The following GINM1 variants were observed in gnomAD, a reference collection of about 807,000 sequenced individuals.
GINM1 encodes glycosylated integral membrane protein 1, also known as glycoprotein integral membrane protein 1.
In GINM1, 29 loss-of-function variants were observed where a neutral mutation model predicts 37.8. That is an observed-to-expected ratio of 0.77 (90% CI 0.57 to 1.05). GINM1 has a LOEUF of 1.05. Ranked by LOEUF, GINM1 falls within the 50% of genes least tolerant of loss-of-function variation. GINM1 has a pLI of 0.00. For missense variants in GINM1, 377 were observed against 397.9 expected, an observed-to-expected ratio of 0.95 and a Z score of 0.45; for synonymous variants, 143 against 146.2, an observed-to-expected ratio of 0.98 and a Z score of 0.16.
Position 149,566,437 on chromosome 6 carries a change from C to A in GINM1, c.23C>A (p.Ser8Ter). 6.4e-7 allele frequency: 1 copy of A among 1,572,444 alleles called. No homozygotes were observed. Among genetic ancestry groups the A allele is most frequent in the Non-Finnish European group, 8.5e-7 (1 of 1,170,024 alleles). ...AAGATGGAGGGCGCTCCACCGGGGT[C>A]GCTCGCCCTCCGGCTCCTGCTGTTC... MEGAPPGSLALRLLLFVA... is the reference protein window; with the variant it reads MEGAPPG Residue 8 changes from serine (S) to a stop codon, truncating the protein, a stop_gained, in exon 1 of 8, where the codon TCG becomes TAG. Transcript: ENST00000367419. LOFTEE classifies it high-confidence loss of function. This position sits in a 1 kb window ranked among gnomAD's most constrained non-coding sequence, Gnocchi z 4.4.
At chr6:149,583,471 A>G (rs1347225135) in intron 7 of GINM1, among the ~76,000 whole-genome samples, 1 of 151,960 alleles carries the variant, frequency 6.6e-6, no homozygotes, top group Non-Finnish European at 1.5e-5. Flanking sequence ...TCAAAAAATA[A>G]AAATAAAAAC....
intron 1 of GINM1, among the ~76,000 whole-genome samples, chr6:149,569,548 A>AG (rs1214752332): frequency 2.2e-5 from 3 of 136,150 alleles, no homozygotes; most frequent in African/African-American, 8.3e-5. Flanking sequence ...CATGTTGGCT[A>AG]GCTGGTCTCA....
In GINM1 at chr6:149,590,772, T is replaced by TATC. The variant is rs1371752361; in HGVS notation, c.929_931dup (p.Ile310dup). ...AAGTGGACGTCATACCTGTGACAGC[T>TATC]ATCAACTTATATCCAGATGGTCCAG... On this transcript the variant is annotated inframe_insertion, in exon 8 of 8. Coordinates refer to ENST00000367419, the MANE Select transcript of GINM1 (RefSeq NM_138785.5). 6.2e-7 allele frequency: 1 copy of TATC among 1,604,664 alleles called. No individual in the cohort carries two copies. The highest frequency in any genetic ancestry group is 8.5e-7 in the Non-Finnish European group (1 of 1,171,908).
At chr6:149,583,721 A>G (rs1442818528) in intron 7 of GINM1, among the ~76,000 whole-genome samples, 2 of 152,116 alleles carry the variant, frequency 1.3e-5, no homozygotes, top group Admixed American at 1.3e-4. Context: ...AATAAGTCCA[A>G]AATCTATTAT....
At chr6:149,586,710 T>C (rs1439968548) in intron 7 of GINM1, among the ~76,000 whole-genome samples, 2 of 152,146 alleles carry the variant, frequency 1.3e-5, no homozygotes, top group Non-Finnish European at 2.9e-5. Flanking sequence ...TCACTACATA[T>C]ATTCTTTTTT....
At chr6:149,582,751 C>A in intron 7 of GINM1, 148 bp downstream of exon 7, 1 of 569,970 alleles carries the variant, frequency 1.8e-6, no homozygotes, top group Admixed American at 3.7e-5. Flanking sequence ...TCTAGCTCAT[C>A]TTCCAATGTT....
At chr6:149,583,626 TC>T (rs1778031943) in intron 7 of GINM1, among the ~76,000 whole-genome samples, 1 of 138,628 alleles carries the variant, frequency 7.2e-6, no homozygotes, top group Non-Finnish European at 1.5e-5. Context: ...AAACTCCCTC[TC>T]GAAAAAAAAA....
rs1349519438 is a variant in GINM1 at position 149,590,850 on chromosome 6, A to G, written c.*12A>G. On this transcript the variant is annotated 3_prime_UTR_variant, in exon 8 of 8. Coordinates refer to ENST00000367419, the MANE Select transcript of GINM1 (RefSeq NM_138785.5). ...AAACATGTATTTAAAACGCCATCTCATATCATGGACTCCGAAGTAGCCTGT... is the reference window on the plus strand; with the variant it reads ...AAACATGTATTTAAAACGCCATCTCGTATCATGGACTCCGAAGTAGCCTGT... 11 of 1,284,492 alleles carry G rather than the reference A, an allele frequency of 8.6e-6. No individual in the cohort carries two copies. Among genetic ancestry groups the G allele is most frequent in the African/African-American group, 2.9e-5 (2 of 68,126 alleles). 79.6% of individuals were successfully genotyped at this position (1,284,492 alleles called of 1,614,324 possible). A position where few individuals can be genotyped will look rare whatever the true frequency, so the allele number is the denominator to read the frequency against.
chr6:149,577,022 G>A (rs968590845), intron 3 of GINM1, among the ~76,000 whole-genome samples: 2 of 152,188 alleles, frequency 1.3e-5, no homozygotes, highest in Admixed American at 6.5e-5. Flanking sequence ...CAGAGCAGGA[G>A]CAAGAGAGAG....
chr6:149,567,397 T>A (rs1433993915), intron 1 of GINM1, among the ~76,000 whole-genome samples: 1 of 152,180 alleles, frequency 6.6e-6, no homozygotes, highest in Non-Finnish European at 1.5e-5. Context: ...TAGTCAAGAC[T>A]TGAATATGAA....
chr6:149,577,481 T>TAA (rs1777931685), intron 3 of GINM1: 1 of 152,968 alleles, frequency 6.5e-6, no homozygotes, highest in Non-Finnish European at 1.5e-5. Context: ...ACCGGGAACT[T>TAA]CACAGAAGTG....
chr6:149,574,836 C>A (rs1173809889), intron 3 of GINM1, among the ~76,000 whole-genome samples: 1 of 151,996 alleles, frequency 6.6e-6, no homozygotes, highest in Non-Finnish European at 1.5e-5. Context: ...CCACTGTAGT[C>A]CATCCTGGGT....
intron 3 of GINM1, among the ~76,000 whole-genome samples, chr6:149,577,181 A>C (rs997245080): frequency 5.3e-5 from 8 of 152,182 alleles, no homozygotes; most frequent in African/African-American, 1.7e-4. Context: ...TCAGGTACCA[A>C]ATTTGCAGGC....
In GINM1 at chr6:149,583,575, G is replaced by T. The variant is rs143651905; in HGVS notation, c.881+972G>T. Among the ~76,000 whole-genome samples, 313 of 151,332 alleles carry T rather than the reference G, an allele frequency of 2.1e-3. 2 individuals carry two copies. In the East Asian group the frequency reaches 0.022, roughly 10 times the overall value. ...ACCCGGAAGGCGGAGGTTGTGGTGAGCCGAGATCGCGCCATTGCACTCCAG... is the reference window on the plus strand; with the variant it reads ...ACCCGGAAGGCGGAGGTTGTGGTGATCCGAGATCGCGCCATTGCACTCCAG... On this transcript the variant is annotated intron_variant, in intron 7 of 7. Transcript: ENST00000367419.
At chr6:149,568,629 A>T (rs142444205) in intron 1 of GINM1, among the ~76,000 whole-genome samples, 2 of 152,372 alleles carry the variant, frequency 1.3e-5, no homozygotes, top group East Asian at 3.9e-4. Flanking sequence ...GCAGAACCAG[A>T]CTACCCTTAA....
intron 7 of GINM1, among the ~76,000 whole-genome samples, chr6:149,583,449 T>A (rs1349300048): frequency 1.3e-5 from 2 of 149,042 alleles, no homozygotes; most frequent in Non-Finnish European, 1.5e-5. Context: ...GGCGACAGAG[T>A]GAGACTTCAT....
intron 1 of GINM1, among the ~76,000 whole-genome samples, chr6:149,570,139 TATATATATA>T (rs1777790173): frequency 3.6e-4 from 1 of 2,792 alleles, no homozygotes; most frequent in Admixed American, 7.0e-3. Flanking sequence ...GTAGGTTTTA[TATATATATA>T]TATATATATA....
chr6:149,582,051 G>T (rs1413610342), intron 6 of GINM1: 3 of 472,924 alleles, frequency 6.3e-6, no homozygotes, highest in Non-Finnish European at 8.8e-6. Context: ...TCCTTCTCTT[G>T]TGCTCTAGGT....
intron 1 of GINM1, among the ~76,000 whole-genome samples, chr6:149,572,070 ACT>A (rs1777834304): frequency 7.1e-6 from 1 of 141,264 alleles, no homozygotes; most frequent in Non-Finnish European, 1.5e-5. Flanking sequence ...ACAAAGTGAG[ACT>A]CTCAAAAAAT....
Sources: gnomAD v4.1 joint callset for allele counts (sites outside exome capture counted in the v4.1 genomes callset) on GRCh38, gnomAD v4.1.1 for gene constraint, Gnocchi (gnomAD v3.1) non-coding constraint, MANE v1.5 for transcripts, NCBI Gene and HGNC (gene_info 2026-07-23, HGNC 2026-07-21) for gene names.